The following WDR93 variants were observed in gnomAD, a reference collection of about 807,000 sequenced individuals.
The protein encoded by WDR93 is WD repeat domain 93.
Under a neutral mutation model 82.9 loss-of-function variants are expected in WDR93, and 73 were observed. That is an observed-to-expected ratio of 0.88 (90% CI 0.73 to 1.07). The LOEUF is 1.07. Ranked by LOEUF, WDR93 falls within the 50% of genes least tolerant of loss-of-function variation. WDR93 has a pLI of 0.00. For synonymous variants in WDR93, 283 were observed against 300.1 expected, an observed-to-expected ratio of 0.94 and a Z score of 0.59; for missense variants, 738 against 826.0, an observed-to-expected ratio of 0.89 and a Z score of 1.31.
At position 89,735,072 on chromosome 15, in the gene WDR93, C is replaced by T. The variant is rs115218088; in HGVS notation, c.1545-418C>T. Among the ~76,000 whole-genome samples the T allele has an allele frequency of 4.0e-3, 606 of 150,936 alleles. 2 individuals carry two copies. The highest frequency in any genetic ancestry group is 0.014 in the African/African-American group (561 of 41,074). Reference sequence around the variant, plus strand: ...GTTTTGTTTGGTTTTGTTTGAGACACGGTCTCACTCTGTAGCCCAGGCTGG... The same window carrying T: ...GTTTTGTTTGGTTTTGTTTGAGACATGGTCTCACTCTGTAGCCCAGGCTGG... On this transcript the variant is annotated intron_variant, in intron 13 of 16. Transcript: ENST00000268130.
intron 1 of WDR93, among the ~76,000 whole-genome samples, chr15:89,698,238 G>A (rs1186620245): frequency 6.6e-6 from 1 of 152,066 alleles, no homozygotes; most frequent in Admixed American, 6.6e-5. Flanking sequence ...TCTTTGCTCT[G>A]AAATATACTG....
intron 1 of WDR93, among the ~76,000 whole-genome samples, chr15:89,693,259 T>C (rs567574330): frequency 6.6e-6 from 1 of 152,346 alleles, no homozygotes; most frequent in Middle Eastern, 3.4e-3. Flanking sequence ...ATGGTATGTT[T>C]AACTTTGTAA....
intron 4 of WDR93, among the ~76,000 whole-genome samples, chr15:89,708,371 C>T (rs968132255): frequency 1.4e-4 from 21 of 152,126 alleles, no homozygotes; most frequent in Admixed American, 1.4e-3. Context: ...GAGCCCTGAA[C>T]AGCCCCACCT....
intron 8 of WDR93, among the ~76,000 whole-genome samples, chr15:89,723,921 G>T (rs781085882): frequency 6.6e-6 from 1 of 152,174 alleles, no homozygotes; most frequent in African/African-American, 2.4e-5. Context: ...CTTCAGGCCC[G>T]GTGCAGTGGC....
intron 9 of WDR93, among the ~76,000 whole-genome samples, chr15:89,727,938 G>A (rs368699183): frequency 3.3e-5 from 5 of 151,954 alleles, no homozygotes; most frequent in African/African-American, 7.3e-5. Context: ...ACAATTAGCC[G>A]GGCATGGTGG....
chr15:89,741,984 C>T (rs1334964797), intron 16 of WDR93, among the ~76,000 whole-genome samples: 1 of 152,196 alleles, frequency 6.6e-6, no homozygotes, highest in Admixed American at 6.5e-5. Context: ...ATCTCTTGAC[C>T]TTGTGATCCA....
At chr15:89,717,034 TC>T (rs371039377) in intron 7 of WDR93, 85 bp downstream of exon 7, 21 of 671,532 alleles carry the variant, frequency 3.1e-5, no homozygotes, top group Middle Eastern at 4.7e-4. Flanking sequence ...TCTTTTCTTT[TC>T]TTTTTCTTTC....
chr15:89,713,480 G>GTT (rs71151526), intron 5 of WDR93, among the ~76,000 whole-genome samples: 4,110 of 149,770 alleles, frequency 0.027, 169 homozygotes, highest in African/African-American at 0.09. Flanking sequence ...ATTTTATTTT[G>GTT]TTTTTTTTTT....
chr15:89,726,320 T>G (rs1358410674), intron 8 of WDR93, among the ~76,000 whole-genome samples: 2 of 152,180 alleles, frequency 1.3e-5, no homozygotes, highest in Non-Finnish European at 2.9e-5. Flanking sequence ...AGGTCTGGGG[T>G]GGGCCCTGAG....
intron 1 of WDR93, among the ~76,000 whole-genome samples, chr15:89,691,441 C>G (rs1275597823): frequency 6.6e-6 from 1 of 152,188 alleles, no homozygotes; most frequent in Admixed American, 6.5e-5. Flanking sequence ...TAAGGTCGGC[C>G]GGTGCTGTGG....
At chr15:89,716,882 G>A in intron 6 of WDR93, 29 bp from the exon 7 acceptor site, 1 of 1,498,760 alleles carries the variant, frequency 6.7e-7, no homozygotes, top group East Asian at 2.4e-5. Flanking sequence ...CAAACCTATT[G>A]TGAATTAATT....
chr15:89,720,849 G>T (rs1345105088), intron 7 of WDR93, among the ~76,000 whole-genome samples: 1 of 152,104 alleles, frequency 6.6e-6, no homozygotes, highest in Non-Finnish European at 1.5e-5. Context: ...TCTCCTTTCT[G>T]TTTTTCCTTT....
intron 3 of WDR93, chr15:89,704,435 A>G (rs1315235721): frequency 1.3e-5 from 2 of 152,236 alleles, no homozygotes; most frequent in African/African-American, 4.8e-5. Context: ...TAACTTTTTT[A>G]TAAGTCTAAA....
At position 89,731,458 on chromosome 15, in the gene WDR93, G is replaced by A; in HGVS notation, c.1226G>A (p.Trp409Ter). 6 of 1,614,144 alleles carry A rather than the reference G, an allele frequency of 3.7e-6. No individual in the cohort carries two copies. The highest frequency in any genetic ancestry group is 1.1e-5 in the South Asian group (1 of 91,080). ...LKDKADPEGV[W>*]PCAAPIAVSQ... ...TTCCCCCTAGACCCCGAGGGTGTGTGGCCCTGTGCTGCGCCCATTGCAGTC... is the reference window on the plus strand; with the variant it reads ...TTCCCCCTAGACCCCGAGGGTGTGTAGCCCTGTGCTGCGCCCATTGCAGTC... The change falls in exon 12 of 17, where the codon TGG becomes TAG. Residue 409 changes from tryptophan to a stop codon, truncating the protein, a stop_gained. Transcript: ENST00000268130. LOFTEE classifies it high-confidence loss of function.
chr15:89,705,487 TA>T (rs1965686486), intron 3 of WDR93, 66 bp from the exon 4 acceptor site: 1 of 991,056 alleles, frequency 1.0e-6, no homozygotes, highest in Non-Finnish European at 1.6e-6. Flanking sequence ...AAGTCCAATA[TA>T]AAATTTCCAG....
At chr15:89,700,401 C>T (rs983554105) in intron 1 of WDR93, among the ~76,000 whole-genome samples, 1 of 152,110 alleles carries the variant, frequency 6.6e-6, no homozygotes, top group African/African-American at 2.4e-5. Context: ...GGCAGCAGGG[C>T]TTTTATGAGA....
chr15:89,723,387 A>G (rs1482084186), intron 8 of WDR93, among the ~76,000 whole-genome samples: 1 of 152,044 alleles, frequency 6.6e-6, no homozygotes, highest in Non-Finnish European at 1.5e-5. Context: ...GGCTGTAGTG[A>G]GCTATGATCA....
At chr15:89,716,073 A>G (rs962043060) in intron 6 of WDR93, among the ~76,000 whole-genome samples, 19 of 152,232 alleles carry the variant, frequency 1.2e-4, no homozygotes, top group African/African-American at 4.3e-4. Context: ...ATAGGAGACC[A>G]AGATTGAGAG....
chr15:89,736,127 A>G (rs1967148351), intron 14 of WDR93, among the ~76,000 whole-genome samples: 1 of 152,170 alleles, frequency 6.6e-6, no homozygotes, highest in Non-Finnish European at 1.5e-5. Flanking sequence ...GAGGTCAGAG[A>G]ATGGGAACAG....
Sources: gnomAD v4.1 joint callset for allele counts (sites outside exome capture counted in the v4.1 genomes callset) on GRCh38, gnomAD v4.1.1 for gene constraint, MANE v1.5 for transcripts, NCBI Gene and HGNC (gene_info 2026-07-23, HGNC 2026-07-21) for gene names.